The following NAA35 variants were observed in gnomAD, a reference collection of about 807,000 sequenced individuals.
NAA35 encodes the protein N-alpha-acetyltransferase 35, NatC auxiliary subunit, also known as MAK10 homolog, amino-acid N-acetyltransferase subunit.
In NAA35, 18 loss-of-function variants were observed where a neutral mutation model predicts 101.7. The observed-to-expected ratio is 0.18, with a 90% CI of 0.12 to 0.26. The LOEUF (loss-of-function observed/expected upper bound fraction) is 0.26. NAA35 is among the 10% of genes least tolerant of loss of function. The pLI, the probability that NAA35 is intolerant of heterozygous loss-of-function variation, is 1.00. For missense variants in NAA35, 601 were observed against 886.8 expected (o/e 0.68, Z 4.09); for synonymous variants, 267 against 273.1 (o/e 0.98, Z 0.22).
In NAA35 at chr9:86,011,662, A is replaced by G. The variant is rs368712678; in HGVS notation, c.1291-1384A>G. Among the ~76,000 whole-genome samples the G allele has an allele frequency of 8.0e-4, 120 of 150,848 alleles. No homozygotes were observed. In the East Asian group the frequency reaches 0.019, roughly 23 times the overall value. On this transcript the variant is annotated intron_variant, in intron 15 of 22. Coordinates refer to ENST00000361671, the MANE Select transcript of NAA35 (RefSeq NM_024635.4). ...GGCAGGAGCCACCGCACCCGGCTTC[A>G]TTTTTATTTAATTAGATGTATTTCT...
chr9:85,953,217 ATTT>A (rs750967213), intron 2 of NAA35, among the ~76,000 whole-genome samples: 18 of 125,966 alleles, frequency 1.4e-4, no homozygotes, highest in Admixed American at 2.5e-4. Flanking sequence ...GCCTCAAGAG[ATTT>A]TTTTTTTTTT....
intron 3 of NAA35, among the ~76,000 whole-genome samples, chr9:85,957,017 C>A (rs1275261648): frequency 2.6e-5 from 4 of 152,248 alleles, no homozygotes; most frequent in East Asian, 1.9e-4. Flanking sequence ...ACAAACCACC[C>A]TCTTGGGTAG....
chr9:85,981,358 G>A (rs895875104), intron 11 of NAA35, among the ~76,000 whole-genome samples: 1 of 152,132 alleles, frequency 6.6e-6, no homozygotes, highest in African/African-American at 2.4e-5. Flanking sequence ...AAAGTAATTT[G>A]TTGGTTTGTG....
intron 10 of NAA35, 80 bp downstream of exon 10, chr9:85,977,526 C>T (rs746431341): frequency 1.0e-6 from 1 of 981,418 alleles, no homozygotes; most frequent in Non-Finnish European, 1.6e-6. Flanking sequence ...TCTGAAACTT[C>T]TCCCTTGAAG....
At chr9:85,975,591 A>G (rs537579972) in intron 8 of NAA35, among the ~76,000 whole-genome samples, 1 of 152,332 alleles carries the variant, frequency 6.6e-6, no homozygotes, top group Non-Finnish European at 1.5e-5. Context: ...TACTTTTAAA[A>G]TTTGAATTTT....
At chr9:85,971,440 T>A (rs1829994546) in intron 6 of NAA35, among the ~76,000 whole-genome samples, 1 of 152,190 alleles carries the variant, frequency 6.6e-6, no homozygotes, top group Admixed American at 6.5e-5. Context: ...CGTCTCTAAT[T>A]GCTAGAGTAC....
rs1487180836 is a variant in NAA35, at chr9:85,979,309, G to T, written c.877+928G>T. Among the ~76,000 whole-genome samples, 4 of 152,142 alleles carry T rather than the reference G, an allele frequency of 2.6e-5. No individual in the cohort carries two copies. The East Asian group carries it at 7.7e-4, about 29-fold the overall frequency. On this transcript the variant is annotated intron_variant, in intron 11 of 22. Transcript: ENST00000361671. ...TTTCTGTATTTGTCCCAATTGGCTA[G>T]CAACTTAGAACTTTTTAAAAGAGGC...
At chr9:86,015,664 C>T (rs1291317008) in intron 17 of NAA35, 1 of 853,220 alleles carries the variant, frequency 1.2e-6, no homozygotes, top group East Asian at 1.2e-4. Context: ...TCAGCACTCT[C>T]TTAGACATAA....
intron 13 of NAA35, among the ~76,000 whole-genome samples, chr9:86,006,332 C>T (rs1276473703): frequency 2.0e-5 from 3 of 152,192 alleles, no homozygotes; most frequent in African/African-American, 7.2e-5. Flanking sequence ...TGAAATTTGA[C>T]ATTCTTCTCG....
intron 2 of NAA35, among the ~76,000 whole-genome samples, chr9:85,953,056 C>T (rs1829086611): frequency 6.6e-6 from 1 of 151,864 alleles, no homozygotes; most frequent in Admixed American, 6.6e-5. Context: ...TAAGAAAATA[C>T]AAAAAAATTA....
rs1587683801 is a variant in NAA35, at chr9:86,023,972, G to A, written c.*2012G>A. On this transcript the variant is annotated 3_prime_UTR_variant, in exon 23 of 23. Coordinates refer to ENST00000361671, the MANE Select transcript of NAA35 (RefSeq NM_024635.4). ...TAGCTGGGATTATAGGCAAATGCCT[G>A]CTTGGCTAGTTTTTGTTTTTAAACA... is the stretch of plus-strand genomic sequence containing the variant. 6.6e-6 allele frequency among the ~76,000 whole-genome samples: 1 copy of A among 152,320 alleles called. No individual in the cohort carries two copies. The highest frequency in any genetic ancestry group is 2.1e-4 in the South Asian group (1 of 4,828).
chr9:85,986,518 T>A (rs774550484), intron 11 of NAA35: 2 of 460,462 alleles, frequency 4.3e-6, no homozygotes, highest in South Asian at 3.1e-5. Context: ...AGAGATAATG[T>A]GTAAAACTGA....
chr9:85,950,632 G>A (rs975234531), intron 2 of NAA35, among the ~76,000 whole-genome samples: 1 of 152,054 alleles, frequency 6.6e-6, no homozygotes, highest in Non-Finnish European at 1.5e-5. Flanking sequence ...TGTTTGACTT[G>A]CTTCTAGATC....
intron 6 of NAA35, among the ~76,000 whole-genome samples, chr9:85,962,945 A>AT (rs1200722266): frequency 6.6e-6 from 1 of 152,210 alleles, no homozygotes; most frequent in African/African-American, 2.4e-5. Context: ...AGATAGAAAG[A>AT]TTTTTTTCCC....
chr9:86,021,490 T>C (rs941230649), intron 22 of NAA35, among the ~76,000 whole-genome samples: 2 of 152,200 alleles, frequency 1.3e-5, no homozygotes, highest in Non-Finnish European at 2.9e-5. Flanking sequence ...TTTCTTCCAT[T>C]GTTTCCTGTG....
chr9:86,021,851 C>A, intron 22 of NAA35, 50 bp from the exon 23 acceptor site: 1 of 1,358,174 alleles, frequency 7.4e-7, no homozygotes, highest in East Asian at 2.3e-5. Flanking sequence ...TTTTGTGTAC[C>A]ATCTGAATAT....
At chr9:85,998,428 T>G (rs886700457) in intron 12 of NAA35, among the ~76,000 whole-genome samples, 3 of 152,210 alleles carry the variant, frequency 2.0e-5, no homozygotes, top group Non-Finnish European at 4.4e-5. Context: ...TAGGTCATTT[T>G]CAGTGTTACA....
At chr9:85,948,197 A>G (rs1045791555) in intron 2 of NAA35, among the ~76,000 whole-genome samples, 3 of 152,146 alleles carry the variant, frequency 2.0e-5, no homozygotes, top group African/African-American at 4.8e-5. Context: ...TGGATATGCA[A>G]ATATTATTCA....
chr9:85,969,048 T>C (rs1829884268), intron 6 of NAA35, among the ~76,000 whole-genome samples: 1 of 152,156 alleles, frequency 6.6e-6, no homozygotes, highest in Non-Finnish European at 1.5e-5. Context: ...CCTCTTGAAG[T>C]CTTGTTCTCC....
Sources: allele counts gnomAD v4.1 joint callset (sites outside exome capture counted in the v4.1 genomes callset), GRCh38; gene constraint gnomAD v4.1.1; transcripts MANE v1.5; gene names NCBI Gene and HGNC (gene_info 2026-07-23, HGNC 2026-07-21).